SPTBN1: variants seen among roughly 807,000 people sequenced by gnomAD.
The protein encoded by SPTBN1 is spectrin beta chain, non-erythrocytic 1.
Under a neutral mutation model 266.4 loss-of-function variants are expected in SPTBN1, and 32 were observed. The ratio of observed to expected loss-of-function variants is 0.12; its 90% confidence interval spans 0.09 to 0.16. The LOEUF (loss-of-function observed/expected upper bound fraction) is 0.16. SPTBN1 is among the 10% of genes least tolerant of loss of function. The pLI is 1.00. For synonymous variants in SPTBN1, 1,336 were observed against 1,162.2 expected (o/e 1.15, Z -3.04); for missense variants, 2,296 against 3,067.1 (o/e 0.75, Z 5.94).
At chr2:54,586,752 T>A (rs1675324361) in intron 2 of SPTBN1, among the ~76,000 whole-genome samples, 1 of 152,240 alleles carries the variant, frequency 6.6e-6, no homozygotes, top group African/African-American at 2.4e-5. Flanking sequence ...AATGAATTAC[T>A]GTTAACTTTG....
At position 54,558,528 on chromosome 2, in the gene SPTBN1, G is replaced by C. The variant is rs1673038359; in HGVS notation, c.148+31962G>C. The C allele has an allele frequency of 8.0e-7, 1 of 1,252,248 alleles. No homozygotes were observed. The highest frequency in any genetic ancestry group is 3.1e-4 in the Middle Eastern group (1 of 3,244). The allele number at this position is 1,252,248 out of a possible 1,614,324, so 77.6% of individuals were successfully genotyped here. A position where few individuals can be genotyped will look rare whatever the true frequency, so the allele number is the denominator to read the frequency against. On this transcript the variant is annotated intron_variant, in intron 2 of 35. Coordinates refer to ENST00000356805, the MANE Select transcript of SPTBN1 (RefSeq NM_003128.3). This position sits in a 1 kb window ranked among gnomAD's most constrained non-coding sequence, Gnocchi z 4.6. ...CCTCCTCCTCAGTAATTTATTTCGA[G>C]CTTCCAGGCAAGGGCCACGGAAGAA... is the stretch of plus-strand genomic sequence containing the variant.
In SPTBN1 at chr2:54,506,894, C is replaced by CTCTTTTTTTTTT. The variant is rs5831310; in HGVS notation, c.-47-19477_-47-19476insCTTTTTTTTTTT. The stretch of plus-strand genomic sequence containing the variant: ...AGTTTAGGTTGATCTGGTTCTCTCT[C>CTCTTTTTTTTTT]TTTTTTTTTTTTTTGAGCAACAAGA... On this transcript the variant is annotated intron_variant, in intron 1 of 35. Transcript: ENST00000356805. 9.8e-4 allele frequency among the ~76,000 whole-genome samples: 131 copies of CTCTTTTTTTTTT among 133,462 alleles called. 6 individuals are homozygous for CTCTTTTTTTTTT. Among genetic ancestry groups the CTCTTTTTTTTTT allele is most frequent in the African/African-American group, 3.5e-3 (118 of 33,866 alleles). The allele number at this position is 133,462 out of a possible 152,430, so 87.6% of individuals were successfully genotyped here.
At chr2:54,620,286 C>T (rs1677909028) in intron 7 of SPTBN1, among the ~76,000 whole-genome samples, 1 of 152,090 alleles carries the variant, frequency 6.6e-6, no homozygotes. Context: ...TACAAAGCCC[C>T]AAGGGAATAG....
intron 1 of SPTBN1, among the ~76,000 whole-genome samples, chr2:54,486,483 G>A (rs977530967): frequency 2.0e-5 from 3 of 152,086 alleles, no homozygotes; most frequent in Non-Finnish European, 4.4e-5. Flanking sequence ...GATTAAGGGC[G>A]GTGCAAGATG....
intron 1 of SPTBN1, among the ~76,000 whole-genome samples, chr2:54,460,048 G>GTCC (rs1693280527): frequency 6.6e-6 from 1 of 152,142 alleles, no homozygotes; most frequent in Admixed American, 6.5e-5. Flanking sequence ...TTTTCATAAT[G>GTCC]TCCTTTGCTA....
chr2:54,544,231 C>T (rs780458929), intron 2 of SPTBN1, among the ~76,000 whole-genome samples: 1 of 152,156 alleles, frequency 6.6e-6, no homozygotes, highest in Non-Finnish European at 1.5e-5. Context: ...GGGTTCCAGG[C>T]AGTAATTGAA....
intron 34 of SPTBN1, among the ~76,000 whole-genome samples, chr2:54,666,341 T>G (rs1018902381): frequency 2.6e-5 from 4 of 152,272 alleles, no homozygotes; most frequent in Admixed American, 6.5e-5. Context: ...TTTGCTTTTA[T>G]AACCAGGCAC....
intron 1 of SPTBN1, among the ~76,000 whole-genome samples, chr2:54,462,392 C>T (rs1338506620): frequency 6.6e-6 from 1 of 152,202 alleles, no homozygotes; most frequent in Non-Finnish European, 1.5e-5. Context: ...GAAGAGACCA[C>T]TTACTAGAAA....
chr2:54,467,336 A>G (rs1693687429), intron 1 of SPTBN1, among the ~76,000 whole-genome samples: 1 of 151,944 alleles, frequency 6.6e-6, no homozygotes, highest in Non-Finnish European at 1.5e-5. Flanking sequence ...ATTTATTTTG[A>G]TCTGTGATGT....
At chr2:54,483,248 G>A (rs756004524) in intron 1 of SPTBN1, among the ~76,000 whole-genome samples, 1 of 152,170 alleles carries the variant, frequency 6.6e-6, no homozygotes, top group East Asian at 1.9e-4. Flanking sequence ...CATATTTCCC[G>A]TGAAATAAAC....
intron 35 of SPTBN1, 139 bp downstream of exon 35, chr2:54,667,785 T>C (rs1681462151): frequency 1.3e-6 from 1 of 743,596 alleles, no homozygotes; most frequent in Non-Finnish European, 2.3e-6. Context: ...TCACCAGCAC[T>C]AGAAGGTGTT....
intron 2 of SPTBN1, among the ~76,000 whole-genome samples, chr2:54,552,451 A>G (rs960625192): frequency 2.3e-5 from 3 of 133,192 alleles, no homozygotes; most frequent in Non-Finnish European, 4.7e-5. Flanking sequence ...CTTAGGTCCC[A>G]GGTCTGCTTT....
At position 54,668,603 on chromosome 2, in the gene SPTBN1, C is replaced by A; in HGVS notation, c.*34C>A. ...CCTTCACCTCCTGCCCTTCTCTTAC[C>A]TTTTCAGTGAAATTCCAGCATGCAA... On this transcript the variant is annotated 3_prime_UTR_variant, in exon 36 of 36. Transcript: ENST00000356805. 1.3e-6 allele frequency: 2 copies of A among 1,562,812 alleles called. No individual in the cohort carries two copies. The highest frequency in any genetic ancestry group is 8.7e-7 in the Non-Finnish European group (1 of 1,150,648).
intron 1 of SPTBN1, among the ~76,000 whole-genome samples, chr2:54,466,150 G>A (rs1232652125): frequency 3.3e-5 from 5 of 152,082 alleles, no homozygotes; most frequent in South Asian, 4.1e-4. Context: ...CTCTAGAATC[G>A]AGAATGCCCT....
At chr2:54,550,970 A>G (rs1573393163) in intron 2 of SPTBN1, among the ~76,000 whole-genome samples, 1 of 151,478 alleles carries the variant, frequency 6.6e-6, no homozygotes, top group Non-Finnish European at 1.5e-5. Context: ...CTTTTCTCCT[A>G]CCCTCTCCAA....
intron 15 of SPTBN1, 130 bp downstream of exon 15, chr2:54,630,159 A>G: frequency 8.2e-7 from 1 of 1,213,572 alleles, no homozygotes; most frequent in Non-Finnish European, 1.1e-6. Flanking sequence ...ATGTCATGGC[A>G]TTGGCACCTG....
chr2:54,606,200 A>C (rs769963811), intron 3 of SPTBN1, among the ~76,000 whole-genome samples: 1 of 152,204 alleles, frequency 6.6e-6, no homozygotes, highest in Non-Finnish European at 1.5e-5. Context: ...TAAAGTCTGA[A>C]AGAACATTGG....
rs930157375 is a variant in SPTBN1 at position 54,590,492 on chromosome 2, C to T, written c.149-8600C>T. Among the ~76,000 whole-genome samples the T allele has an allele frequency of 6.6e-5, 10 of 152,292 alleles. No individual in the cohort carries two copies. In the East Asian group the frequency reaches 9.6e-4, roughly 15 times the overall value. On this transcript the variant is annotated intron_variant, in intron 2 of 35. Transcript: ENST00000356805. ...AACATGAATAGGATTGAGCCTTTGC[C>T]TCTGAGCCAACTGCAAGTTAATTGA...
At chr2:54,508,043 C>G (rs1286485127) in intron 1 of SPTBN1, among the ~76,000 whole-genome samples, 1 of 152,104 alleles carries the variant, frequency 6.6e-6, no homozygotes, top group Non-Finnish European at 1.5e-5. Context: ...TGGAGGGTAC[C>G]TTGCCACTGA....
Sources: allele counts gnomAD v4.1 joint callset (sites outside exome capture counted in the v4.1 genomes callset), GRCh38; gene constraint gnomAD v4.1.1; non-coding constraint Gnocchi (gnomAD v3.1); transcripts MANE v1.5; gene names NCBI Gene and HGNC (gene_info 2026-07-23, HGNC 2026-07-21).